The following DENND6B variants were observed in gnomAD, a reference collection of about 807,000 sequenced individuals.
DENND6B encodes the protein protein DENND6B.
A neutral mutation model predicts 85.1 loss-of-function variants in DENND6B; 73 were observed. The ratio of observed to expected loss-of-function variants is 0.86; its 90% CI spans 0.71 to 1.04. The LOEUF is 1.04. Among genes scored for constraint, DENND6B ranks in the 50% least tolerant of loss-of-function variants. The pLI, the probability that DENND6B is intolerant of heterozygous loss-of-function variation, is 0.00. For missense variants in DENND6B, 715 were observed against 785.8 expected (o/e 0.91, Z 1.08); for synonymous variants, 357 against 329.3 (o/e 1.08, Z -0.91).
At chr22:50,323,952 C>T (rs2147793412) in intron 1 of DENND6B, among the ~76,000 whole-genome samples, 1 of 152,224 alleles carries the variant, frequency 6.6e-6, no homozygotes, top group Admixed American at 6.5e-5. Context: ...CTAGGCTAGT[C>T]TGGAACACCT....
At chr22:50,315,641 C>G (rs2041785879) in intron 9 of DENND6B, 73 bp downstream of exon 9, 1 of 1,479,400 alleles carries the variant, frequency 6.8e-7, no homozygotes, top group South Asian at 1.3e-5. Context: ...CACAGATGCA[C>G]ACATGCACGT....
At chr22:50,319,320 C>T (rs1381462571) in intron 1 of DENND6B, 16 of 985,256 alleles carry the variant, frequency 1.6e-5, no homozygotes, top group African/African-American at 7.0e-5. Flanking sequence ...ACTCCCCTGC[C>T]GGCCAGAGGC....
Position 50,309,534 on chromosome 22 carries a change from C to T in DENND6B, c.*2605G>A, listed in dbSNP as rs1487294441. 2 of 152,478 alleles carry T rather than the reference C, an allele frequency of 1.3e-5. No individual in the cohort carries two copies. The highest frequency in any genetic ancestry group is 4.8e-5 in the African/African-American group (2 of 41,456). 9.4% of individuals were successfully genotyped at this position (152,478 alleles called of 1,614,324 possible). On this transcript the variant is annotated 3_prime_UTR_variant, in exon 20 of 20. Coordinates refer to ENST00000413817, the MANE Select transcript of DENND6B (RefSeq NM_001001794.4). ...ACGCCCAGCCCCCACCCATCCACCC[C>T]AGGCCACATTCCACCCCAGGCCTCT...
intron 1 of DENND6B, chr22:50,319,405 T>G (rs1258756206): frequency 4.1e-6 from 4 of 985,224 alleles, no homozygotes; most frequent in Non-Finnish European, 4.8e-6. Context: ...GACCCCTTTC[T>G]CACACCCCTG....
intron 1 of DENND6B, among the ~76,000 whole-genome samples, chr22:50,323,204 CT>C (rs1301201191): frequency 6.6e-6 from 1 of 150,654 alleles, no homozygotes; most frequent in Non-Finnish European, 1.5e-5. Flanking sequence ...CAACCTCCAA[CT>C]CCTGGACTCA....
intron 1 of DENND6B, among the ~76,000 whole-genome samples, chr22:50,321,650 C>T (rs1163448045): frequency 6.6e-6 from 1 of 152,028 alleles, no homozygotes; most frequent in Non-Finnish European, 1.5e-5. Flanking sequence ...GTGTGAGCCA[C>T]GGCGCCCAGC....
chr22:50,320,401 G>A (rs1386692128), intron 1 of DENND6B, among the ~76,000 whole-genome samples: 1 of 152,224 alleles, frequency 6.6e-6, no homozygotes, highest in African/African-American at 2.4e-5. Flanking sequence ...AAATAGCCCT[G>A]CTCTTCTGTT....
intron 1 of DENND6B, among the ~76,000 whole-genome samples, chr22:50,324,233 A>G (rs1226079690): frequency 6.6e-6 from 1 of 152,102 alleles, no homozygotes; most frequent in Non-Finnish European, 1.5e-5. Flanking sequence ...TGATGCTCCC[A>G]TGCGTACAGT....
chr22:50,324,324 C>G (rs1437679635), intron 1 of DENND6B, among the ~76,000 whole-genome samples: 2 of 152,252 alleles, frequency 1.3e-5, no homozygotes, highest in African/African-American at 4.8e-5. Context: ...ATATCACTGG[C>G]ACATAGTGTG....
chr22:50,322,094 A>C (rs867157885), intron 1 of DENND6B, among the ~76,000 whole-genome samples: 1 of 80,798 alleles, frequency 1.2e-5, no homozygotes, highest in African/African-American at 4.0e-5. Flanking sequence ...TTTTTTTTTG[A>C]GATGGAGTCT....
At chr22:50,326,420 G>A (rs1197487939) in intron 1 of DENND6B, among the ~76,000 whole-genome samples, 1 of 152,220 alleles carries the variant, frequency 6.6e-6, no homozygotes, top group Middle Eastern at 3.2e-3. Context: ...AGAAGGAGCC[G>A]TCAGCCTCGC....
rs768302783 is a variant in DENND6B, at chr22:50,312,141, A to G, written c.1756T>C (p.Ter586GlnextTer52). The change falls in exon 20 of 20, where the codon TAG becomes CAG. Residue 586 changes from the stop codon to glutamine, a stop_lost. Coordinates refer to ENST00000413817, the MANE Select transcript of DENND6B (RefSeq NM_001001794.4). The part of the protein sequence containing the change: ...KDLQAVLCPP[*>Q] ...GGACCGTGGCCCTTGGCTTTGTTCT[A>G]GGGAGGGCACAAGACAGCCTGCAGG... The G allele has an allele frequency of 3.7e-6, 6 of 1,612,106 alleles. No homozygotes were observed. Among genetic ancestry groups the G allele is most frequent in the Non-Finnish European group, 5.1e-6 (6 of 1,179,646 alleles).
rs1157825497 is a variant in DENND6B at position 50,326,887 on chromosome 22, G to A, written c.102C>T (p.Pro34=). 3.5e-6 allele frequency: 5 copies of A among 1,411,098 alleles called. No individual in the cohort carries two copies. The allele number at this position is 1,411,098 out of a possible 1,614,324, so 87.4% of individuals were successfully genotyped here. ...SGRAARTPAA[P]WARFSAWLEC... is the part of the protein sequence containing the mutation. ...CCAGCCAGGCGGAGAAGCGCGCCCA[G>A]GGCGCCGCCGGGGTCCGCGCCGCGC... is the stretch of plus-strand genomic sequence containing the variant. Residue 34 remains proline, a synonymous_variant, in exon 1 of 20, where the codon CCC becomes CCT. Coordinates refer to ENST00000413817, the MANE Select transcript of DENND6B (RefSeq NM_001001794.4).
chr22:50,313,888 G>A lies in DENND6B; in HGVS notation c.1139-10C>T, dbSNP rs548049130. ...TAAGCGGTGTAGAGGCCTGGCGGGA[G>A]GGCACAGCTGGCGCCCCACCCTTCA... On this transcript the variant is annotated splice_polypyrimidine_tract_variant and intron_variant, in intron 13 of 19. Transcript: ENST00000413817. 7.6e-5 allele frequency: 122 copies of A among 1,604,702 alleles called. 1 individual carries two copies. In the South Asian group the frequency reaches 1.2e-3, roughly 16 times the overall value.
rs2041708525 is a variant in DENND6B at position 50,314,345 on chromosome 22, C to T, written c.1072+55G>A. On this transcript the variant is annotated intron_variant, in intron 12 of 19. Transcript: ENST00000413817. ...CATCCCCACGGGCTCTGAGGCGGCC[C>T]CACACTCAACGAGGCTTCTGAGCAG... The T allele has an allele frequency of 1.6e-5, 25 of 1,579,194 alleles. No individual in the cohort carries two copies. In the South Asian group the frequency reaches 2.5e-4, roughly 16 times the overall value.
chr22:50,315,193 A>C, intron 9 of DENND6B: 1 of 471,128 alleles, frequency 2.1e-6, no homozygotes, highest in Non-Finnish European at 3.8e-6. Context: ...GTGGCCCCAA[A>C]GCCGGGGCAG....
intron 16 of DENND6B, 79 bp from the exon 17 acceptor site, chr22:50,313,187 C>T (rs962030711): frequency 6.6e-6 from 9 of 1,371,234 alleles, no homozygotes; most frequent in Non-Finnish European, 9.1e-6. Flanking sequence ...AGACACACTC[C>T]TCACCACTTC....
intron 1 of DENND6B, among the ~76,000 whole-genome samples, chr22:50,320,874 G>A (rs973806011): frequency 2.2e-4 from 34 of 152,240 alleles, no homozygotes; most frequent in Non-Finnish European, 1.2e-4. Flanking sequence ...TCTGACCAGG[G>A]AAAGCCACAT....
chr22:50,321,765 C>T (rs1233795171), intron 1 of DENND6B, among the ~76,000 whole-genome samples: 1 of 152,170 alleles, frequency 6.6e-6, no homozygotes, highest in Admixed American at 6.5e-5. Context: ...CTCCTGGGCT[C>T]AAGCAAACCT....
Sources: allele counts gnomAD v4.1 joint callset (sites outside exome capture counted in the v4.1 genomes callset), GRCh38; gene constraint gnomAD v4.1.1; transcripts MANE v1.5; gene names NCBI Gene and HGNC (gene_info 2026-07-23, HGNC 2026-07-21).